The following SLCO1C1 variants were observed in gnomAD, a reference collection of about 807,000 sequenced individuals.
The protein encoded by SLCO1C1 is OAT-RP-5.
A neutral mutation model predicts 76.4 loss-of-function variants in SLCO1C1; 70 were observed. That is an observed-to-expected ratio of 0.92 (90% CI 0.76 to 1.12). SLCO1C1 has a LOEUF of 1.12. Among genes scored for constraint, SLCO1C1 ranks in the 50% most tolerant of loss-of-function variants. SLCO1C1 has a pLI of 0.00. For missense variants in SLCO1C1, 912 were observed against 823.8 expected (o/e 1.11, Z -1.31); for synonymous variants, 306 against 286.1 (o/e 1.07, Z -0.70).
chr12:20,700,277 T>C (rs1946459938), intron 2 of SLCO1C1: 2 of 151,952 alleles, frequency 1.3e-5, no homozygotes, highest in East Asian at 1.9e-4. Context: ...TGAAGTGATA[T>C]GTCATAAAGA....
At chr12:20,712,453 G>T (rs1307588680) in intron 5 of SLCO1C1, among the ~76,000 whole-genome samples, 1 of 152,072 alleles carries the variant, frequency 6.6e-6, no homozygotes, top group East Asian at 1.9e-4. Flanking sequence ...TTGTCCATAG[G>T]TGTTTACTGT....
intron 12 of SLCO1C1, 24 bp downstream of exon 12, chr12:20,740,392 T>C: frequency 6.3e-7 from 1 of 1,576,686 alleles, no homozygotes; most frequent in Non-Finnish European, 8.6e-7. Flanking sequence ...CTCCCTATTC[T>C]AATTTTAACA....
intron 2 of SLCO1C1, 136 bp from the exon 3 acceptor site, chr12:20,701,177 GAATTA>G (rs1439632689): frequency 3.7e-6 from 3 of 818,766 alleles, no homozygotes; most frequent in South Asian, 4.3e-5. Flanking sequence ...AACAGTGTTT[GAATTA>G]AAGTTTCAGT....
intron 7 of SLCO1C1, among the ~76,000 whole-genome samples, chr12:20,718,332 T>C (rs1325321301): frequency 6.6e-6 from 1 of 152,188 alleles, no homozygotes; most frequent in African/African-American, 2.4e-5. Flanking sequence ...TGTGTTATGG[T>C]AGAATAAAAT....
chr12:20,730,155 C>T lies in SLCO1C1; in HGVS notation c.1187-2754C>T, dbSNP rs543554810. 1.1e-4 allele frequency among the ~76,000 whole-genome samples: 17 copies of T among 152,144 alleles called. No homozygotes were observed. The South Asian group carries it at 3.1e-3, about 28-fold the overall frequency. On this transcript the variant is annotated intron_variant, in intron 9 of 14. Transcript: ENST00000266509. ...GAAACATGCTCTGAAGGTTTCAGTT[C>T]GGAGTTTGGTTTTCAGAAGATACTT...
At position 20,705,987 on chromosome 12, in the gene SLCO1C1, G is replaced by A. The variant is rs765109613; in HGVS notation, c.310G>A (p.Ala104Thr). Residue 104 changes from alanine to threonine, a missense_variant, in exon 4 of 15, where the codon GCC (alanine) becomes ACC (threonine). Ala to Thr is a moderately conservative substitution (Grantham distance 58). Transcript: ENST00000266509. ...TATAACATTTGTTAGCTACTTTGGAGCCAAACTTCACAGGCCAAAAATAAT... is the reference window on the plus strand; with the variant it reads ...TATAACATTTGTTAGCTACTTTGGAACCAAACTTCACAGGCCAAAAATAAT... ...LVITFVSYFG[A>T]KLHRPKIIGA... 1.2e-6 allele frequency: 2 copies of A among 1,613,330 alleles called. No homozygotes were observed. The highest frequency in any genetic ancestry group is 4.5e-5 in the East Asian group (2 of 44,820).
chr12:20,722,391 A>G (rs1013147045), intron 8 of SLCO1C1, among the ~76,000 whole-genome samples: 1 of 152,242 alleles, frequency 6.6e-6, no homozygotes, highest in Admixed American at 6.5e-5. Context: ...TTCAACAGAT[A>G]AGATCTATTC....
chr12:20,734,580 A>C (rs79412215), intron 10 of SLCO1C1, among the ~76,000 whole-genome samples: 4,720 of 152,258 alleles, frequency 0.031, 111 homozygotes, highest in Non-Finnish European at 0.049. Context: ...ATCCTTGTTT[A>C]AAAGAAACTG....
chr12:20,714,610 T>A (rs1441359420), intron 5 of SLCO1C1, among the ~76,000 whole-genome samples: 1 of 152,170 alleles, frequency 6.6e-6, no homozygotes, highest in Admixed American at 6.5e-5. Context: ...AACAAACAAA[T>A]ATAAATGTAG....
intron 4 of SLCO1C1, among the ~76,000 whole-genome samples, chr12:20,710,029 A>C (rs1946993900): frequency 6.6e-6 from 1 of 151,798 alleles, no homozygotes; most frequent in Non-Finnish European, 1.5e-5. Context: ...TTAAGCATTC[A>C]CATAAAAACA....
rs751389365 is a variant in SLCO1C1 at position 20,706,024 on chromosome 12, G to A, written c.347G>A (p.Cys116Tyr). 28 of 1,613,354 alleles carry A rather than the reference G, an allele frequency of 1.7e-5. 1 individual carries two copies. The highest frequency in any genetic ancestry group is 2.2e-5 in the South Asian group (2 of 91,054). Reference protein sequence around the residue: ...LHRPKIIGAGCVIMGVGTLLI... With the variant: ...LHRPKIIGAGYVIMGVGTLLI... ...AGGCCAAAAATAATTGGAGCAGGGTGTGTAATCATGGGAGTTGGAACACTG... is the reference window on the plus strand; with the variant it reads ...AGGCCAAAAATAATTGGAGCAGGGTATGTAATCATGGGAGTTGGAACACTG... The change falls in exon 4 of 15, where the codon TGT becomes TAT. Residue 116 changes from cysteine to tyrosine, a missense_variant. By Grantham distance (194) the Cys-to-Tyr change is radical (BLOSUM62 -2). Coordinates refer to ENST00000266509, the MANE Select transcript of SLCO1C1 (RefSeq NM_017435.5).
At chr12:20,705,028 G>A (rs1006032522) in intron 3 of SLCO1C1, among the ~76,000 whole-genome samples, 1 of 151,920 alleles carries the variant, frequency 6.6e-6, no homozygotes, top group Non-Finnish European at 1.5e-5. Flanking sequence ...CATGGAATCA[G>A]AAACGTTTGG....
At chr12:20,716,908 A>G (rs1411594546) in intron 6 of SLCO1C1, among the ~76,000 whole-genome samples, 3 of 152,182 alleles carry the variant, frequency 2.0e-5, no homozygotes, top group African/African-American at 7.2e-5. Flanking sequence ...TTATTTTCTT[A>G]CTAAGACATA....
At chr12:20,707,499 T>C (rs929499727) in intron 4 of SLCO1C1, among the ~76,000 whole-genome samples, 1 of 152,164 alleles carries the variant, frequency 6.6e-6, no homozygotes, top group Non-Finnish European at 1.5e-5. Context: ...AGTGGATCAG[T>C]AGCTCTTCTA....
chr12:20,726,072 T>C, intron 9 of SLCO1C1, among the ~76,000 whole-genome samples: 1 of 152,112 alleles, frequency 6.6e-6, no homozygotes, highest in East Asian at 1.9e-4. Flanking sequence ...GGGCCAATTA[T>C]TCAATATCCT....
At chr12:20,696,416 G>T (rs933356252) in intron 1 of SLCO1C1, among the ~76,000 whole-genome samples, 6 of 152,078 alleles carry the variant, frequency 3.9e-5, no homozygotes, top group Non-Finnish European at 8.8e-5. Context: ...GACAGAGTCC[G>T]AGTCAGTTGC....
intron 4 of SLCO1C1, among the ~76,000 whole-genome samples, chr12:20,706,351 G>T (rs1177307873): frequency 6.6e-6 from 1 of 152,050 alleles, no homozygotes; most frequent in Non-Finnish European, 1.5e-5. Flanking sequence ...CTTTAATTTA[G>T]CTGTAGGGGC....
intron 13 of SLCO1C1, among the ~76,000 whole-genome samples, chr12:20,745,139 T>C (rs1565546214): frequency 6.6e-6 from 1 of 152,128 alleles, no homozygotes. Flanking sequence ...TTTTAAAAAA[T>C]GGTTACCTGT....
At chr12:20,745,223 A>T (rs1554153) in intron 13 of SLCO1C1, among the ~76,000 whole-genome samples, 66,194 of 151,984 alleles carry the variant, frequency 0.44, 17,137 homozygotes, top group South Asian at 0.63. Context: ...TATGATTGTT[A>T]AATCAAAATT....
Sources: allele counts gnomAD v4.1 joint callset (sites outside exome capture counted in the v4.1 genomes callset), GRCh38; gene constraint gnomAD v4.1.1; transcripts MANE v1.5; gene names NCBI Gene and HGNC (gene_info 2026-07-23, HGNC 2026-07-21).